ASIC4: variants seen among roughly 807,000 people sequenced by gnomAD.
ASIC4 encodes the protein acid-sensing ion channel 4.
Under a neutral mutation model 53.4 loss-of-function variants are expected in ASIC4, and 28 were observed. The observed-to-expected ratio is 0.52, with a 90% CI of 0.39 to 0.72. The LOEUF (loss-of-function observed/expected upper bound fraction) is 0.72. ASIC4 is among the 30% of genes least tolerant of loss of function. ASIC4 has a pLI of 0.00. For synonymous variants in ASIC4, 289 were observed against 301.4 expected (o/e 0.96, Z 0.43); for missense variants, 649 against 729.7 (o/e 0.89, Z 1.27).
chr2:219,513,959 C>G (rs1694734968), upstream of ASIC4, among the ~76,000 whole-genome samples: 2 of 152,186 alleles, frequency 1.3e-5, no homozygotes, highest in African/African-American at 4.8e-5. Context: ...AAGTGGCTCT[C>G]TCAAGGAGTT....
Position 219,518,311 on chromosome 2 carries a change from A to C in ASIC4, c.582+3005A>C, listed in dbSNP as rs146717772. Among the ~76,000 whole-genome samples the C allele has an allele frequency of 1.3e-5, 2 of 152,314 alleles. No individual in the cohort carries two copies. The highest frequency in any genetic ancestry group is 2.9e-5 in the Non-Finnish European group (2 of 68,022). On this transcript the variant is annotated intron_variant, in intron 1 of 9. Coordinates refer to ENST00000358078, the MANE Select transcript of ASIC4 (RefSeq NM_018674.6). This position sits in a 1 kb window ranked among gnomAD's most constrained non-coding sequence, Gnocchi z 4.8. ...TCATAAGGTGCCAGGATCAATTGCC[A>C]GACGAGGTGCATGGGTAGTAAGAGG...
At chr2:219,520,460 T>G (rs1694867282) in intron 1 of ASIC4, among the ~76,000 whole-genome samples, 1 of 152,210 alleles carries the variant, frequency 6.6e-6, no homozygotes. Context: ...CTCTTCCCAG[T>G]GTGTGGTCAG....
Position 219,516,341 on chromosome 2 carries a change from G to A in ASIC4, c.582+1035G>A, listed in dbSNP as rs141000655. ...ACTGCTGGCGCCATCTGTCACCTAC[G>A]TGTGAGCACAAACACAAGCACCCTC... On this transcript the variant is annotated intron_variant, in intron 1 of 9. Transcript: ENST00000358078. The surrounding 1 kb of genome is among the most constrained non-coding windows in gnomAD (Gnocchi z 4.9). 0.015 allele frequency among the ~76,000 whole-genome samples: 2,254 copies of A among 152,208 alleles called. 29 individuals are homozygous for A. Among genetic ancestry groups the A allele is most frequent in the Non-Finnish European group, 0.02 (1,364 of 68,010 alleles).
intron 1 of ASIC4, 138 bp from the exon 2 acceptor site, chr2:219,531,620 G>T: frequency 1.0e-6 from 1 of 955,692 alleles, no homozygotes; most frequent in East Asian, 2.5e-5. Context: ...GGAGAGGCTG[G>T]GCTGTACATT....
At chr2:219,515,675 C>T (rs954281926) in intron 1 of ASIC4, among the ~76,000 whole-genome samples, 1 of 152,240 alleles carries the variant, frequency 6.6e-6, no homozygotes, top group African/African-American at 2.4e-5. Context: ...TCTCACTTTT[C>T]TCTTGCTCCC....
intron 1 of ASIC4, among the ~76,000 whole-genome samples, chr2:219,525,998 C>T (rs1456837618): frequency 6.6e-6 from 1 of 152,204 alleles, no homozygotes; most frequent in Non-Finnish European, 1.5e-5. Flanking sequence ...CTGGGATTAG[C>T]CTGGCCTCAG....
At chr2:219,522,093 C>T (rs56171119) in intron 1 of ASIC4, among the ~76,000 whole-genome samples, 27,587 of 151,992 alleles carry the variant, frequency 0.18, 2,646 homozygotes, top group Non-Finnish European at 0.21. Flanking sequence ...ATCCAACCCA[C>T]CCCTCAAATG....
chr2:219,520,135 T>A (rs750804102), intron 1 of ASIC4, among the ~76,000 whole-genome samples: 2 of 152,006 alleles, frequency 1.3e-5, no homozygotes, highest in Non-Finnish European at 2.9e-5. Flanking sequence ...ACTATCTCCA[T>A]CCCCTATGGG....
At chr2:219,511,372 T>TC (rs898250941), upstream of ASIC4, among the ~76,000 whole-genome samples, 3 of 141,852 alleles carry the variant, frequency 2.1e-5, no homozygotes, top group Non-Finnish European at 3.1e-5. This position sits in a 1 kb window ranked among gnomAD's most constrained non-coding sequence, Gnocchi z 5.3. Flanking sequence ...TCCCTGTCTC[T>TC]CCCCCCGACT....
Position 219,514,505 on chromosome 2 carries a change from G to A in ASIC4, c.-220G>A. The A allele has an allele frequency of 6.5e-7, 1 of 1,549,430 alleles. No individual in the cohort carries two copies. Among genetic ancestry groups the A allele is most frequent in the East Asian group, 2.4e-5 (1 of 40,906 alleles). ...TCGAGGAGAGAGACAAGCGGCAGCA[G>A]AGGCAGCAGCGGCAGAGGCAGCACC... is the stretch of plus-strand genomic sequence containing the variant. On this transcript the variant is annotated 5_prime_UTR_variant, in exon 1 of 10. Transcript: ENST00000358078.
intron 1 of ASIC4, among the ~76,000 whole-genome samples, chr2:219,515,963 C>A (rs1694781584): frequency 6.6e-6 from 1 of 152,198 alleles, no homozygotes; most frequent in African/African-American, 2.4e-5. Flanking sequence ...GTCTCCTGTT[C>A]TAGCGGCTCC....
chr2:219,537,203 C>T lies in ASIC4; in HGVS notation c.1322-39C>T. The T allele has an allele frequency of 1.2e-5, 20 of 1,611,564 alleles. No homozygotes were observed. Among genetic ancestry groups the T allele is most frequent in the Non-Finnish European group, 1.6e-5 (19 of 1,178,082 alleles). On this transcript the variant is annotated intron_variant, in intron 7 of 9. Coordinates refer to ENST00000358078, the MANE Select transcript of ASIC4 (RefSeq NM_018674.6). The surrounding 1 kb of genome is among the most constrained non-coding windows in gnomAD (Gnocchi z 4.9). Reference sequence around the variant, plus strand: ...CCCAGCTTGTGTGGGGGTGGATCGGCCCGGCCGCTCCCTCTGACACTGCTC... The same window carrying T: ...CCCAGCTTGTGTGGGGGTGGATCGGTCCGGCCGCTCCCTCTGACACTGCTC...
intron 1 of ASIC4, among the ~76,000 whole-genome samples, chr2:219,531,510 G>C (rs1005427040): frequency 1.3e-5 from 2 of 152,220 alleles, no homozygotes; most frequent in Admixed American, 6.5e-5. Context: ...GAAAACGGTG[G>C]GGGGAAGGCA....
chr2:219,531,796 G>A lies in ASIC4; in HGVS notation c.621G>A (p.Ala207=), dbSNP rs752299281. 25 of 1,612,614 alleles carry A rather than the reference G, an allele frequency of 1.6e-5. No individual in the cohort carries two copies. The highest frequency in any genetic ancestry group is 2.0e-5 in the Non-Finnish European group (23 of 1,179,408). The stretch of plus-strand genomic sequence containing the variant: ...ATGGGAAGTGTTACACCTTCAACGC[G>A]GACCCGCGGAGCTCGCTGCCCAGCC... ...TRYGKCYTFN[A]DPRSSLPSRA... is the part of the protein sequence containing the mutation. Residue 207 remains alanine (A), a synonymous_variant, in exon 2 of 10, where the codon GCG becomes GCA. Transcript: ENST00000358078.
In ASIC4 at chr2:219,537,616, G is replaced by T; in HGVS notation, c.1402-16G>T. The T allele has an allele frequency of 1.2e-6, 2 of 1,605,036 alleles. No individual in the cohort carries two copies. Among genetic ancestry groups the T allele is most frequent in the South Asian group, 2.2e-5 (2 of 89,810 alleles). On this transcript the variant is annotated splice_polypyrimidine_tract_variant and intron_variant, in intron 8 of 9. Transcript: ENST00000358078. This position sits in a 1 kb window ranked among gnomAD's most constrained non-coding sequence, Gnocchi z 4.9. ...ATTTCCTGAGCCCACTGCTGTCCCCGACCCTGAACCCCAAGGTGTCCTGGG... is the reference window on the plus strand; with the variant it reads ...ATTTCCTGAGCCCACTGCTGTCCCCTACCCTGAACCCCAAGGTGTCCTGGG...
intron 1 of ASIC4, among the ~76,000 whole-genome samples, chr2:219,529,870 G>T (rs529241862): frequency 6.6e-6 from 1 of 152,050 alleles, no homozygotes; most frequent in East Asian, 1.9e-4. Flanking sequence ...CTGTGGGAGA[G>T]GGGAGGATCA....
At chr2:219,535,351 G>A (rs774161844) in intron 6 of ASIC4, 27 bp downstream of exon 6, 4 of 1,558,298 alleles carry the variant, frequency 2.6e-6, no homozygotes, top group East Asian at 4.8e-5. Context: ...GTGGGGGGTG[G>A]CTGTGTGACT....
rs1165015474 is a variant in ASIC4, at chr2:219,531,808, C to T, written c.633C>T (p.Ser211=). ...ACACCTTCAACGCGGACCCGCGGAG[C>T]TCGCTGCCCAGCCGGGCAGGGGGCA... The part of the protein sequence containing the change: ...KCYTFNADPR[S]SLPSRAGGMG... Residue 211 remains serine, a synonymous_variant, in exon 2 of 10, where the codon AGC becomes AGT. Coordinates refer to ENST00000358078, the MANE Select transcript of ASIC4 (RefSeq NM_018674.6). The T allele has an allele frequency of 4.3e-6, 7 of 1,613,316 alleles. No homozygotes were observed. Among genetic ancestry groups the T allele is most frequent in the Non-Finnish European group, 5.9e-6 (7 of 1,179,692 alleles).
chr2:219,528,803 G>A (rs1027382202), intron 1 of ASIC4, among the ~76,000 whole-genome samples: 4 of 152,200 alleles, frequency 2.6e-5, no homozygotes, highest in African/African-American at 9.7e-5. Context: ...GTCTCCCAAA[G>A]TGCTGGGATT....
Sources: allele counts gnomAD v4.1 joint callset (sites outside exome capture counted in the v4.1 genomes callset), GRCh38; gene constraint gnomAD v4.1.1; non-coding constraint Gnocchi (gnomAD v3.1); transcripts MANE v1.5; gene names NCBI Gene and HGNC (gene_info 2026-07-23, HGNC 2026-07-21).